Variants in KCNMA1 observed in about 807,000 individuals in gnomAD.
KCNMA1 encodes Calcium-activated potassium channel subunit alpha-1.
KCNMA1 carries 29 observed loss-of-function variants against 140.0 expected under a neutral mutation model. That is an observed-to-expected ratio of 0.21 (90% CI 0.15 to 0.28). KCNMA1 has a LOEUF of 0.28. KCNMA1 is among the 10% of genes least tolerant of loss of function. The probability of loss-of-function intolerance (pLI) is 1.00; values close to 1 mark genes in which losing one functional copy is unlikely to be tolerated. For missense variants in KCNMA1, 880 were observed against 1,602.2 expected (o/e 0.55, Z 7.70); for synonymous variants, 612 against 611.9 (o/e 1.00, Z 0.00).
chr10:77,176,833 A>G lies in KCNMA1; in HGVS notation c.808+6588T>C, dbSNP rs557786131. On this transcript the variant is annotated intron_variant, in intron 5 of 27. Coordinates refer to ENST00000286628, the MANE Select transcript of KCNMA1 (RefSeq NM_001161352.2). Reference sequence around the variant, plus strand: ...GGGACCTGTGAATATGGTCATCTACATGCCAGAAGGAAATGAACGCAGCAG... The same window carrying G: ...GGGACCTGTGAATATGGTCATCTACGTGCCAGAAGGAAATGAACGCAGCAG... 2.5e-3 allele frequency among the ~76,000 whole-genome samples: 377 copies of G among 152,330 alleles called. 6 individuals are homozygous for G. The highest frequency in any genetic ancestry group is 0.011 in the Admixed American group (174 of 15,296).
intron 11 of KCNMA1, 52 bp downstream of exon 11, chr10:77,086,436 C>G: frequency 2.2e-6 from 3 of 1,383,698 alleles, no homozygotes; most frequent in South Asian, 1.2e-5. Flanking sequence ...AGGACTCCCC[C>G]CAGACCCACA....
At chr10:77,280,486 A>C (rs569882811) in intron 2 of KCNMA1, among the ~76,000 whole-genome samples, 10 of 152,218 alleles carry the variant, frequency 6.6e-5, no homozygotes, top group Non-Finnish European at 4.4e-5. Flanking sequence ...ACTGACCTGT[A>C]AGTGTCTGTT....
intron 2 of KCNMA1, among the ~76,000 whole-genome samples, chr10:77,308,582 C>T (rs772804003): frequency 6.6e-6 from 1 of 152,152 alleles, no homozygotes; most frequent in African/African-American, 2.4e-5. Flanking sequence ...ACAGCAAAGT[C>T]GACAATTCCA....
intron 1 of KCNMA1, among the ~76,000 whole-genome samples, chr10:77,518,745 G>A (rs540823308): frequency 1.3e-5 from 2 of 152,290 alleles, no homozygotes; most frequent in East Asian, 3.9e-4. Context: ...GACTCCAGCG[G>A]GGAGGAAATG....
At chr10:77,439,158 AG>A (rs2097339642) in intron 1 of KCNMA1, among the ~76,000 whole-genome samples, 2 of 130,522 alleles carry the variant, frequency 1.5e-5, no homozygotes, top group South Asian at 2.6e-4. Flanking sequence ...AAAAGAGAAG[AG>A]AAGAAAAGAA....
chr10:77,407,837 T>G (rs1290971642), intron 1 of KCNMA1, among the ~76,000 whole-genome samples: 1 of 152,104 alleles, frequency 6.6e-6, no homozygotes, highest in Non-Finnish European at 1.5e-5. Flanking sequence ...CTAAGAGTAA[T>G]CCACTGAAGC....
At chr10:77,419,119 C>T (rs753410180) in intron 1 of KCNMA1, among the ~76,000 whole-genome samples, 1 of 152,200 alleles carries the variant, frequency 6.6e-6, no homozygotes, top group African/African-American at 2.4e-5. Context: ...TCTGTTACTG[C>T]TCAGCTACTG....
chr10:77,002,582 T>C (rs895756421), intron 18 of KCNMA1, among the ~76,000 whole-genome samples: 5 of 152,332 alleles, frequency 3.3e-5, no homozygotes, highest in African/African-American at 1.2e-4. Flanking sequence ...GCATGCAGCA[T>C]TGATAGCTCT....
chr10:77,391,647 T>TG (rs201472649), intron 2 of KCNMA1, among the ~76,000 whole-genome samples: 4 of 149,244 alleles, frequency 2.7e-5, no homozygotes, highest in Non-Finnish European at 5.9e-5. Flanking sequence ...TTTGTTTGTT[T>TG]TTTTCTGGAA....
At chr10:77,036,786 A>G (rs2094364327) in intron 15 of KCNMA1, among the ~76,000 whole-genome samples, 1 of 152,220 alleles carries the variant, frequency 6.6e-6, no homozygotes, top group South Asian at 2.1e-4. Flanking sequence ...GAAGAGTGTT[A>G]TCATTAAACT....
downstream of KCNMA1, chr10:76,877,607 T>G (rs199808368): frequency 7.9e-6 from 6 of 759,452 alleles, no homozygotes; most frequent in Non-Finnish European, 1.1e-5. Flanking sequence ...GAAAGATCTG[T>G]CTACTTTATT....
In KCNMA1 at chr10:77,001,617, C is replaced by T. The variant is rs750642004; in HGVS notation, c.2093-37G>A. 25 of 1,522,920 alleles carry T rather than the reference C, an allele frequency of 1.6e-5. No individual in the cohort carries two copies. The Admixed American group carries it at 2.0e-4, about 12-fold the overall frequency. The allele number at this position is 1,522,920 out of a possible 1,614,324, so 94.3% of individuals were successfully genotyped here. A position where few individuals can be genotyped will look rare whatever the true frequency, so the allele number is the denominator to read the frequency against. ...TGGTTGGATGGGAGGAGAGGAAGAG[C>T]GGCAATTAATGGCAAGGTCACACAC... On this transcript the variant is annotated intron_variant, in intron 18 of 27. Transcript: ENST00000286628.
chr10:77,392,940 T>C (rs1382059302), intron 2 of KCNMA1, among the ~76,000 whole-genome samples: 1 of 152,244 alleles, frequency 6.6e-6, no homozygotes, highest in African/African-American at 2.4e-5. Flanking sequence ...GACTCATCTG[T>C]TGTCCTGCCA....
rs144257215 is a variant in KCNMA1, at chr10:77,122,181, G to A, written c.809-1133C>T. 2.0e-3 allele frequency among the ~76,000 whole-genome samples: 301 copies of A among 152,224 alleles called. 5 individuals carry two copies. Among genetic ancestry groups the A allele is most frequent in the Admixed American group, 3.2e-3 (49 of 15,292 alleles). ...TGAATGAGGAGTACACTAACTGCACGCAACGTGGAGCTGTTTAGGTAATAA... is the reference window on the plus strand; with the variant it reads ...TGAATGAGGAGTACACTAACTGCACACAACGTGGAGCTGTTTAGGTAATAA... On this transcript the variant is annotated intron_variant, in intron 5 of 27. Transcript: ENST00000286628.
Position 77,019,028 on chromosome 10 carries a change from G to A in KCNMA1, c.2000C>T (p.Ala667Val). Reference protein sequence around the residue: ...GTLGFFIASDAKEVKRAFFYC... With the variant: ...GTLGFFIASDVKEVKRAFFYC... ...AAACTCTTACCTTTTAACTTCTTTGGCATCACTTGCGATGAAAAATCCTAA... is the reference window on the plus strand; with the variant it reads ...AAACTCTTACCTTTTAACTTCTTTGACATCACTTGCGATGAAAAATCCTAA... Residue 667 changes from alanine (A) to valine (V), a missense_variant, in exon 17 of 28, where the codon GCC becomes GTC. Ala to Val is a moderately conservative substitution (Grantham distance 64). Transcript: ENST00000286628. 1 of 1,583,594 alleles carries A rather than the reference G, an allele frequency of 6.3e-7. No individual in the cohort carries two copies. The highest frequency in any genetic ancestry group is 8.7e-7 in the Non-Finnish European group (1 of 1,152,450).
chr10:77,037,452 G>C (rs536845048), intron 15 of KCNMA1, among the ~76,000 whole-genome samples: 27 of 152,126 alleles, frequency 1.8e-4, no homozygotes, highest in Admixed American at 1.8e-3. Context: ...TGATATCTAC[G>C]TGAGTCAAAC....
chr10:77,372,608 T>G (rs1383470725), intron 2 of KCNMA1, among the ~76,000 whole-genome samples: 2 of 152,210 alleles, frequency 1.3e-5, no homozygotes, highest in Admixed American at 6.5e-5. Flanking sequence ...CCCACACCTG[T>G]TTTTCCCTTG....
At chr10:77,129,047 C>T (rs543897566) in intron 5 of KCNMA1, among the ~76,000 whole-genome samples, 2 of 152,334 alleles carry the variant, frequency 1.3e-5, no homozygotes, top group South Asian at 2.1e-4. Flanking sequence ...TGCTTCCCAC[C>T]AGATTCAACG....
At chr10:77,308,888 C>T (rs2078522295) in intron 2 of KCNMA1, among the ~76,000 whole-genome samples, 1 of 152,186 alleles carries the variant, frequency 6.6e-6, no homozygotes, top group South Asian at 2.1e-4. Context: ...AAAGCATGCT[C>T]AAGGTGCTGG....
Sources: gnomAD v4.1 joint callset for allele counts (sites outside exome capture counted in the v4.1 genomes callset) on GRCh38, gnomAD v4.1.1 for gene constraint, MANE v1.5 for transcripts, NCBI Gene and HGNC (gene_info 2026-07-23, HGNC 2026-07-21) for gene names.